ADAMTS2: variants seen among roughly 807,000 people sequenced by gnomAD.
ADAMTS2 encodes ADAM metallopeptidase with thrombospondin type 1 motif 2.
ADAMTS2 carries 50 observed loss-of-function variants against 123.0 expected under a neutral mutation model. The ratio of observed to expected loss-of-function variants is 0.41; its 90% confidence interval spans 0.32 to 0.51. The LOEUF is 0.51. Ranked by LOEUF, ADAMTS2 falls within the 20% of genes least tolerant of loss-of-function variation. The pLI is 0.35. For missense variants in ADAMTS2, 1,494 were observed against 1,705.2 expected (o/e 0.88, Z 2.18); for synonymous variants, 678 against 695.4 (o/e 0.98, Z 0.39).
chr5:179,329,799 GAAAGTT>G (rs1411492993), intron 2 of ADAMTS2, among the ~76,000 whole-genome samples: 2 of 152,176 alleles, frequency 1.3e-5, no homozygotes, highest in East Asian at 3.8e-4. Context: ...TTCAGAGGAG[GAAAGTT>G]GGGGGCCGTA....
At chr5:179,153,460 G>C (rs1763404679) in intron 9 of ADAMTS2, 31 bp downstream of exon 9, 1 of 1,603,742 alleles carries the variant, frequency 6.2e-7, no homozygotes, top group Admixed American at 1.7e-5. Context: ...CCAGACCTGG[G>C]AGGGTCCCGG....
At chr5:179,276,922 G>A (rs1212299828) in intron 2 of ADAMTS2, among the ~76,000 whole-genome samples, 1 of 152,172 alleles carries the variant, frequency 6.6e-6, no homozygotes, top group African/African-American at 2.4e-5. Flanking sequence ...CCTGGGGAAG[G>A]GCAGTACTCT....
chr5:179,132,103 G>A lies in ADAMTS2; in HGVS notation c.2290+127C>T. 1 of 898,044 alleles carries A rather than the reference G, an allele frequency of 1.1e-6. No individual in the cohort carries two copies. Among genetic ancestry groups the A allele is most frequent in the South Asian group, 1.4e-5 (1 of 70,704 alleles). 55.6% of individuals were successfully genotyped at this position (898,044 alleles called of 1,614,324 possible). A position where few individuals can be genotyped will look rare whatever the true frequency, so the allele number is the denominator to read the frequency against. On this transcript the variant is annotated intron_variant, in intron 15 of 21. Coordinates refer to ENST00000251582, the MANE Select transcript of ADAMTS2 (RefSeq NM_014244.5). The surrounding 1 kb of genome is among the most constrained non-coding windows in gnomAD (Gnocchi z 6.1). ...CTGAGCAGAGGGACAGGTTGGGGAG[G>A]GGCTGCCCTGGCTCAGGTCATGGCT...
chr5:179,248,405 T>C (rs955529310), intron 3 of ADAMTS2, among the ~76,000 whole-genome samples: 1 of 152,026 alleles, frequency 6.6e-6, no homozygotes, highest in Non-Finnish European at 1.5e-5. Flanking sequence ...TAAATACAGA[T>C]GGACTAAATG....
intron 2 of ADAMTS2, among the ~76,000 whole-genome samples, chr5:179,295,890 G>C (rs1756316244): frequency 6.6e-6 from 1 of 152,358 alleles, no homozygotes; most frequent in Non-Finnish European, 1.5e-5. Flanking sequence ...CTGGGAGCAA[G>C]GGAGGCGTGG....
chr5:179,161,723 G>A (rs971560746), intron 5 of ADAMTS2, among the ~76,000 whole-genome samples: 1 of 152,150 alleles, frequency 6.6e-6, no homozygotes, highest in African/African-American at 2.4e-5. Flanking sequence ...AATGTTTGAG[G>A]TGACAGATAT....
In ADAMTS2 at chr5:179,307,107, G is replaced by A. The variant is rs970056655; in HGVS notation, c.535-34043C>T. On this transcript the variant is annotated intron_variant, in intron 2 of 21. Coordinates refer to ENST00000251582, the MANE Select transcript of ADAMTS2 (RefSeq NM_014244.5). This position sits in a 1 kb window ranked among gnomAD's most constrained non-coding sequence, Gnocchi z 5.6. The stretch of plus-strand genomic sequence containing the variant: ...TAAGAAGAACCTCTCGGGGAAGTCA[G>A]TGGCCAGCCAGCCTAAGCCCGGCCC... Among the ~76,000 whole-genome samples the A allele has an allele frequency of 6.6e-6, 1 of 152,216 alleles. No individual in the cohort carries two copies. The highest frequency in any genetic ancestry group is 2.4e-5 in the African/African-American group (1 of 41,460).
At chr5:179,149,636 G>C (rs1257207139) in intron 10 of ADAMTS2, among the ~76,000 whole-genome samples, 1 of 152,232 alleles carries the variant, frequency 6.6e-6, no homozygotes, top group Non-Finnish European at 1.5e-5. Context: ...TTGCGGGAAA[G>C]GGTGGGAGAG....
chr5:179,343,820 CGTCTCCGACGT>C lies in ADAMTS2; in HGVS notation c.470_480del (p.Tyr157CysfsTer44). On this transcript the variant is annotated frameshift_variant, in exon 2 of 22. Transcript: ENST00000251582. LOFTEE classifies it high-confidence loss of function. ...GAGGAGGCTTCGGCTAGGCCGGCCA[CGTCTCCGACGT>C]AGAGACAGCTCCCGAGCAGGGGCTC... is the stretch of plus-strand genomic sequence containing the variant. The C allele has an allele frequency of 6.2e-7, 1 of 1,610,124 alleles. No individual in the cohort carries two copies. Among genetic ancestry groups the C allele is most frequent in the Non-Finnish European group, 8.5e-7 (1 of 1,179,052 alleles).
chr5:179,153,881 C>T (rs188918591), intron 8 of ADAMTS2, among the ~76,000 whole-genome samples, 168 bp downstream of exon 8: 2 of 152,340 alleles, frequency 1.3e-5, no homozygotes, highest in African/African-American at 4.8e-5. Flanking sequence ...GGGTTCTCCT[C>T]CAGACACCAG....
At chr5:179,187,641 C>T (rs1764203672) in intron 4 of ADAMTS2, among the ~76,000 whole-genome samples, 2 of 152,170 alleles carry the variant, frequency 1.3e-5, no homozygotes, top group Non-Finnish European at 2.9e-5. Context: ...TCCACCCTAC[C>T]CAAGGCCTGC....
In ADAMTS2 at chr5:179,158,995, T is replaced by C. The variant is rs1309302965; in HGVS notation, c.976-116A>G. On this transcript the variant is annotated intron_variant, in intron 5 of 21. Coordinates refer to ENST00000251582, the MANE Select transcript of ADAMTS2 (RefSeq NM_014244.5). The surrounding 1 kb of genome is among the most constrained non-coding windows in gnomAD (Gnocchi z 5.0). ...TCCACTGGGAATCTGTTCCAGGTGG[T>C]ACAAAGGCCCTGCCCGGTCACTCTC... The C allele has an allele frequency of 7.4e-7, 1 of 1,359,650 alleles. No individual in the cohort carries two copies. Among genetic ancestry groups the C allele is most frequent in the Non-Finnish European group, 1.0e-6 (1 of 995,020 alleles). 84.2% of individuals were successfully genotyped at this position (1,359,650 alleles called of 1,614,324 possible).
rs1451271210 is a variant in ADAMTS2, at chr5:179,185,753, G to A, written c.892-4598C>T. ...TGCTAGGCGTGGGCCCCTGGCTGGG[G>A]AGCTCCACTGTGGGCTGTCCGCCAG... is the stretch of plus-strand genomic sequence containing the variant. On this transcript the variant is annotated intron_variant, in intron 4 of 21. Transcript: ENST00000251582. This position sits in a 1 kb window ranked among gnomAD's most constrained non-coding sequence, Gnocchi z 5.9. Among the ~76,000 whole-genome samples, 1 of 151,968 alleles carries A rather than the reference G, an allele frequency of 6.6e-6. No individual in the cohort carries two copies. Among genetic ancestry groups the A allele is most frequent in the Non-Finnish European group, 1.5e-5 (1 of 67,980 alleles).
At chr5:179,148,679 C>T (rs971236998) in intron 10 of ADAMTS2, among the ~76,000 whole-genome samples, 4 of 152,206 alleles carry the variant, frequency 2.6e-5, no homozygotes, top group South Asian at 2.1e-4. Flanking sequence ...CCTCCTCGCT[C>T]GGGCAAGCCC....
At chr5:179,141,143 A>G (rs1763161458) in intron 10 of ADAMTS2, among the ~76,000 whole-genome samples, 1 of 152,090 alleles carries the variant, frequency 6.6e-6, no homozygotes, top group Non-Finnish European at 1.5e-5. Context: ...CCTTCTTTGT[A>G]TGACCTAATT....
intron 1 of ADAMTS2, among the ~76,000 whole-genome samples, chr5:179,344,471 G>A (rs996362332): frequency 1.3e-5 from 2 of 152,208 alleles, no homozygotes; most frequent in Non-Finnish European, 2.9e-5. Context: ...CGTGCCCGAA[G>A]GGACGACCCC....
At chr5:179,254,195 A>T (rs1234628965) in intron 3 of ADAMTS2, among the ~76,000 whole-genome samples, 1 of 152,222 alleles carries the variant, frequency 6.6e-6, no homozygotes, top group Non-Finnish European at 1.5e-5. Flanking sequence ...CAGTATTATT[A>T]TTTTATATTC....
At chr5:179,218,820 G>C (rs2113401401) in intron 3 of ADAMTS2, among the ~76,000 whole-genome samples, 1 of 152,292 alleles carries the variant, frequency 6.6e-6, no homozygotes. Context: ...GGAGAAAAAG[G>C]AAGCACTAAA....
chr5:179,345,429 C>G lies in ADAMTS2; in HGVS notation c.-101G>C, dbSNP rs1757925877. The G allele has an allele frequency of 5.1e-6, 5 of 987,576 alleles. No individual in the cohort carries two copies. Among genetic ancestry groups the G allele is most frequent in the Non-Finnish European group, 3.6e-6 (3 of 822,062 alleles). 61.2% of individuals were successfully genotyped at this position (987,576 alleles called of 1,614,324 possible). Reference sequence around the variant, plus strand: ...TGGGGGCAGCTGGAGCCGCCCGCAGCTGCAGCACCGCAGGGCGCGGGGCGG... The same window carrying G: ...TGGGGGCAGCTGGAGCCGCCCGCAGGTGCAGCACCGCAGGGCGCGGGGCGG... On this transcript the variant is annotated 5_prime_UTR_variant, in exon 1 of 22. Coordinates refer to ENST00000251582, the MANE Select transcript of ADAMTS2 (RefSeq NM_014244.5). The surrounding 1 kb of genome is among the most constrained non-coding windows in gnomAD (Gnocchi z 7.5).
Sources: allele counts gnomAD v4.1 joint callset (sites outside exome capture counted in the v4.1 genomes callset), GRCh38; gene constraint gnomAD v4.1.1; non-coding constraint Gnocchi (gnomAD v3.1); transcripts MANE v1.5; gene names NCBI Gene and HGNC (gene_info 2026-07-23, HGNC 2026-07-21).